Variants in ERAP1 observed in about 807,000 individuals in gnomAD.
ERAP1 encodes adipocyte-derived leucine aminopeptidase.
A neutral mutation model predicts 103.7 loss-of-function variants in ERAP1; 86 were observed. The observed-to-expected ratio is 0.83, with a 90% confidence interval of 0.70 to 0.99. The LOEUF is 0.99. Among genes scored for constraint, ERAP1 ranks in the 50% least tolerant of loss-of-function variants. ERAP1 has a pLI of 0.00. For missense variants in ERAP1, 1,009 were observed against 1,128.4 expected (o/e 0.89, Z 1.52); for synonymous variants, 398 against 402.4 (o/e 0.99, Z 0.13).
chr5:96,849,789 C>G, the ERAP1 span, among the ~76,000 whole-genome samples: 1 of 152,162 alleles, frequency 6.6e-6, no homozygotes, highest in Non-Finnish European at 1.5e-5. Flanking sequence ...ACAAAAGACC[C>G]TAAGTAGCCC....
chr5:96,907,199 CA>C, the ERAP1 span, among the ~76,000 whole-genome samples: 2 of 152,134 alleles, frequency 1.3e-5, no homozygotes, highest in Non-Finnish European at 2.9e-5. Context: ...TTAAGCTAAA[CA>C]AACATTCAGA....
the ERAP1 span, among the ~76,000 whole-genome samples, chr5:96,819,616 G>A: frequency 6.6e-6 from 1 of 152,072 alleles, no homozygotes. Context: ...TTGTTATACC[G>A]TAAGTTTGAA....
At chr5:96,904,362 C>T in the ERAP1 span, among the ~76,000 whole-genome samples, 1 of 152,170 alleles carries the variant, frequency 6.6e-6, no homozygotes, top group Non-Finnish European at 1.5e-5. Flanking sequence ...GTGATGCACT[C>T]ACTTTACTCA....
At chr5:96,851,430 C>T in the ERAP1 span, among the ~76,000 whole-genome samples, 2 of 152,106 alleles carry the variant, frequency 1.3e-5, no homozygotes, top group Admixed American at 1.3e-4. Flanking sequence ...ATAAAAATCT[C>T]GAGCCCTCTG....
Position 96,783,065 on chromosome 5 carries a change from G to C in ERAP1, c.2271C>G (p.Ser757=), listed in dbSNP as rs754763708. The change falls in exon 15 of 19, where the codon TCC becomes TCG. Residue 757 remains serine, a synonymous_variant. Coordinates refer to ENST00000443439, the MANE Select transcript of ERAP1 (RefSeq NM_001040458.3). ...AEGYFRKWKE[S]NGNLSLPVDV... ...TAAGGACTGACCTCAAGTTTCCATT[G>C]GATTCCTTCCACTTTCTGAAATAGC... 3 of 1,614,196 alleles carry C rather than the reference G, an allele frequency of 1.9e-6. No individual in the cohort carries two copies. The Admixed American group carries it at 5.0e-5, about 27-fold the overall frequency.
the ERAP1 span, chr5:96,910,284 T>C: frequency 1.3e-5 from 2 of 151,954 alleles, no homozygotes; most frequent in Non-Finnish European, 2.9e-5. Context: ...AAAAAAACTT[T>C]TCCTGTGCCA....
chr5:96,869,154 T>C, the ERAP1 span, among the ~76,000 whole-genome samples: 1 of 151,600 alleles, frequency 6.6e-6, no homozygotes, highest in African/African-American at 2.4e-5. Context: ...TAATTTAAAA[T>C]GCATAGCTAG....
At chr5:96,859,354 C>G in the ERAP1 span, among the ~76,000 whole-genome samples, 16 of 152,262 alleles carry the variant, frequency 1.1e-4, no homozygotes, top group Admixed American at 3.9e-4. Flanking sequence ...GTTCCCAACA[C>G]GCTGTTGCTC....
chr5:96,792,535 T>C (rs1020743931), intron 7 of ERAP1, among the ~76,000 whole-genome samples: 1 of 152,184 alleles, frequency 6.6e-6, no homozygotes, highest in East Asian at 1.9e-4. Flanking sequence ...CCAATCATTG[T>C]CTGTACTGTT....
chr5:96,800,241 C>A (rs1261238151), intron 3 of ERAP1, among the ~76,000 whole-genome samples: 1 of 152,218 alleles, frequency 6.6e-6, no homozygotes, highest in Non-Finnish European at 1.5e-5. Flanking sequence ...GCATGGTCAT[C>A]TTCTAGTCAC....
chr5:96,916,241 C>CA, the ERAP1 span, among the ~76,000 whole-genome samples: 51 of 110,416 alleles, frequency 4.6e-4, 1 homozygote, highest in African/African-American at 1.7e-3. Flanking sequence ...AAAACAAAAA[C>CA]AAAAACAAAA....
the ERAP1 span, among the ~76,000 whole-genome samples, chr5:96,872,991 A>T: frequency 3.5e-4 from 53 of 151,990 alleles, no homozygotes; most frequent in Non-Finnish European, 6.9e-4. Context: ...GGAGTTTGAG[A>T]CAGGCTGACC....
chr5:96,916,548 C>T, the ERAP1 span, among the ~76,000 whole-genome samples: 14 of 148,102 alleles, frequency 9.5e-5, 1 homozygote, highest in Middle Eastern at 3.5e-3. Flanking sequence ...ACTGCAAGCT[C>T]CGCCTCCCAG....
chr5:96,806,842 G>T (rs1778662478), intron 1 of ERAP1, among the ~76,000 whole-genome samples: 1 of 108,758 alleles, frequency 9.2e-6, no homozygotes, highest in African/African-American at 3.2e-5. Context: ...AAAAATGCTG[G>T]ATTAATTTGA....
chr5:96,851,220 GTTGA>G, the ERAP1 span, among the ~76,000 whole-genome samples: 1 of 152,130 alleles, frequency 6.6e-6, no homozygotes, highest in Non-Finnish European at 1.5e-5. Flanking sequence ...GGCTTTGATA[GTTGA>G]TTATCTAAAA....
the ERAP1 span, among the ~76,000 whole-genome samples, chr5:96,823,930 C>G: frequency 6.6e-6 from 1 of 152,188 alleles, no homozygotes; most frequent in East Asian, 1.9e-4. Flanking sequence ...TCAGCACAAG[C>G]ATGACCATGC....
the ERAP1 span, among the ~76,000 whole-genome samples, chr5:96,893,862 G>A: frequency 1.3e-5 from 2 of 152,090 alleles, no homozygotes; most frequent in African/African-American, 4.8e-5. Context: ...CTACACCTAA[G>A]CTTTAGCCAT....
At chr5:96,911,399 A>G in the ERAP1 span, among the ~76,000 whole-genome samples, 2 of 152,222 alleles carry the variant, frequency 1.3e-5, no homozygotes, top group Non-Finnish European at 1.5e-5. Context: ...CCCACTTAGA[A>G]TAAAAACTGG....
chr5:96,841,219 C>G, the ERAP1 span, among the ~76,000 whole-genome samples: 3 of 152,168 alleles, frequency 2.0e-5, no homozygotes, highest in Non-Finnish European at 4.4e-5. Flanking sequence ...GCAGAAAGCC[C>G]TTGGGTGGCT....
Sources: gnomAD v4.1 joint callset for allele counts (sites outside exome capture counted in the v4.1 genomes callset) on GRCh38, gnomAD v4.1.1 for gene constraint, MANE v1.5 for transcripts, NCBI Gene and HGNC (gene_info 2026-07-23, HGNC 2026-07-21) for gene names.